The following CLEC16A variants were observed in gnomAD, a reference collection of about 807,000 sequenced individuals.
The protein encoded by CLEC16A is C-type lectin domain containing 16A, also known as protein CLEC16A.
A neutral mutation model predicts 109.5 loss-of-function variants in CLEC16A; 51 were observed. The ratio of observed to expected loss-of-function variants is 0.47; its 90% CI spans 0.37 to 0.59. The LOEUF (loss-of-function observed/expected upper bound fraction) is 0.59. Among genes scored for constraint, CLEC16A ranks in the 20% least tolerant of loss-of-function variants. The pLI, the probability that CLEC16A is intolerant of heterozygous loss-of-function variation, is 0.00. For synonymous variants in CLEC16A, 673 were observed against 564.2 expected (o/e 1.19, Z -2.73); for missense variants, 1,339 against 1,394.0 (o/e 0.96, Z 0.63).
At chr16:10,976,368 C>T (rs760404116) in intron 7 of CLEC16A, among the ~76,000 whole-genome samples, 6 of 148,526 alleles carry the variant, frequency 4.0e-5, no homozygotes, top group Non-Finnish European at 8.9e-5. Flanking sequence ...CAAGTATATA[C>T]AGTTAGACGG....
intron 3 of CLEC16A, among the ~76,000 whole-genome samples, chr16:10,963,584 C>T (rs1014731638): frequency 3.3e-5 from 5 of 152,172 alleles, no homozygotes; most frequent in African/African-American, 9.7e-5. Context: ...TTGGTACCAA[C>T]CCTCCTGCTT....
At chr16:10,969,858 G>A (rs551044579) in intron 4 of CLEC16A, among the ~76,000 whole-genome samples, 3 of 152,306 alleles carry the variant, frequency 2.0e-5, no homozygotes, top group Non-Finnish European at 4.4e-5. Flanking sequence ...TCTGAGAAAT[G>A]GGGATAAGAA....
intron 10 of CLEC16A, among the ~76,000 whole-genome samples, chr16:10,989,480 C>T (rs933681074): frequency 1.3e-5 from 2 of 152,114 alleles, no homozygotes; most frequent in African/African-American, 4.8e-5. Flanking sequence ...AACAATTCAC[C>T]CACCTTGGCC....
chr16:10,960,249 T>C (rs2042192133), intron 2 of CLEC16A, among the ~76,000 whole-genome samples: 1 of 152,212 alleles, frequency 6.6e-6, no homozygotes, highest in Non-Finnish European at 1.5e-5. Context: ...CTTTCTGTCC[T>C]AGCATCCCAT....
chr16:11,172,447 G>A (rs1597632079), intron 23 of CLEC16A, among the ~76,000 whole-genome samples: 1 of 152,198 alleles, frequency 6.6e-6, no homozygotes, highest in Admixed American at 6.5e-5. Flanking sequence ...AGATTAGTTG[G>A]AGTTCACATA....
chr16:10,972,888 A>T (rs1255096058), intron 6 of CLEC16A, 50 bp from the exon 7 acceptor site: 1 of 1,514,950 alleles, frequency 6.6e-7, no homozygotes, highest in Non-Finnish European at 8.8e-7. Flanking sequence ...AATCTTCCCC[A>T]AGTTATTTTT....
chr16:11,005,291 T>C (rs985114375), intron 11 of CLEC16A, among the ~76,000 whole-genome samples: 1 of 152,048 alleles, frequency 6.6e-6, no homozygotes, highest in African/African-American at 2.4e-5. Flanking sequence ...TGAATTAGAG[T>C]AGGGGCTCCT....
chr16:10,973,886 G>GTTT (rs2042913141), intron 7 of CLEC16A, among the ~76,000 whole-genome samples: 4 of 74,912 alleles, frequency 5.3e-5, no homozygotes, highest in African/African-American at 2.6e-4. Flanking sequence ...GGGGCTGCTT[G>GTTT]CTTTTTTTTT....
At chr16:11,147,233 G>A (rs768302829) in intron 22 of CLEC16A, among the ~76,000 whole-genome samples, 11 of 152,240 alleles carry the variant, frequency 7.2e-5, no homozygotes, top group Admixed American at 2.6e-4. Flanking sequence ...ATCAATTTCC[G>A]CCCTGGCCAG....
intron 12 of CLEC16A, among the ~76,000 whole-genome samples, chr16:11,021,211 T>C (rs1208263327): frequency 6.6e-6 from 1 of 152,258 alleles, no homozygotes; most frequent in Non-Finnish European, 1.5e-5. Context: ...CTTATTTGTC[T>C]CTTTGCTTGG....
intron 10 of CLEC16A, among the ~76,000 whole-genome samples, chr16:10,997,989 A>G (rs1410011171): frequency 6.6e-6 from 1 of 152,180 alleles, no homozygotes. Flanking sequence ...CTTCTCAGCC[A>G]TGTGTCTCCT....
intron 11 of CLEC16A, among the ~76,000 whole-genome samples, chr16:11,010,974 G>A (rs781351846): frequency 6.6e-6 from 1 of 152,174 alleles, no homozygotes; most frequent in Non-Finnish European, 1.5e-5. Context: ...CACGGCATGG[G>A]TGATGTCATG....
intron 3 of CLEC16A, among the ~76,000 whole-genome samples, chr16:10,966,983 AG>A (rs1266487322): frequency 6.6e-6 from 1 of 152,146 alleles, no homozygotes; most frequent in African/African-American, 2.4e-5. Flanking sequence ...AAAAACATTA[AG>A]ATTCCTAAGA....
At position 10,967,444 on chromosome 16, in the gene CLEC16A, G is replaced by A. The variant is rs1021725861; in HGVS notation, c.344-1717G>A. On this transcript the variant is annotated intron_variant, in intron 3 of 23. Coordinates refer to ENST00000409790, the MANE Select transcript of CLEC16A (RefSeq NM_015226.3). ...GAGACAGGTCTCACCCTGTCGCCTA[G>A]GCTAGTCTCCAGTGATACGATCATG... Among the ~76,000 whole-genome samples, 12 of 152,142 alleles carry A rather than the reference G, an allele frequency of 7.9e-5. 1 individual carries two copies. The highest frequency in any genetic ancestry group is 7.2e-4 in the Admixed American group (11 of 15,264).
chr16:11,003,154 G>C lies in CLEC16A; in HGVS notation c.1152G>C (p.Lys384Asn). 3 of 1,613,624 alleles carry C rather than the reference G, an allele frequency of 1.9e-6. No homozygotes were observed. The highest frequency in any genetic ancestry group is 2.5e-6 in the Non-Finnish European group (3 of 1,179,842). ...RSLEMNKHKG[K>N]RRVQKRPNYK... is the part of the protein sequence containing the mutation. ...TTGAGATGAACAAGCACAAGGGCAA[G>C]AGGCGGGTGCAAAAGAGACCCAACT... The change falls in exon 11 of 24, where the codon AAG (lysine) becomes AAC (asparagine). Residue 384 changes from lysine to asparagine, a missense_variant. Coordinates refer to ENST00000409790, the MANE Select transcript of CLEC16A (RefSeq NM_015226.3).
chr16:10,972,910 T>A (rs1014789316), intron 6 of CLEC16A, 28 bp from the exon 7 acceptor site: 1 of 1,544,768 alleles, frequency 6.5e-7, no homozygotes, highest in Non-Finnish European at 8.7e-7. Context: ...GTAGCTTGAC[T>A]TTTTTTTTCT....
intron 10 of CLEC16A, among the ~76,000 whole-genome samples, chr16:10,989,432 G>A (rs115402716): frequency 0.01 from 1,561 of 151,852 alleles, 39 homozygotes; most frequent in African/African-American, 0.036. Flanking sequence ...ATGGGGTTTC[G>A]CCGTGTTACC....
At chr16:11,167,993 G>A (rs557167717) in intron 23 of CLEC16A, among the ~76,000 whole-genome samples, 1 of 152,266 alleles carries the variant, frequency 6.6e-6, no homozygotes, top group South Asian at 2.1e-4. Flanking sequence ...CGTTGCACTG[G>A]GGATGAAAGC....
chr16:11,139,667 C>T (rs1333556021), intron 22 of CLEC16A, among the ~76,000 whole-genome samples: 1 of 152,206 alleles, frequency 6.6e-6, no homozygotes, highest in Non-Finnish European at 1.5e-5. Flanking sequence ...CCTTGAAAGT[C>T]GCCGCCTCAG....
Sources: allele counts gnomAD v4.1 joint callset (sites outside exome capture counted in the v4.1 genomes callset), GRCh38; gene constraint gnomAD v4.1.1; transcripts MANE v1.5; gene names NCBI Gene and HGNC (gene_info 2026-07-23, HGNC 2026-07-21).